NRM: variants seen among roughly 807,000 people sequenced by gnomAD.
NRM encodes nuclear rim protein.
Under a neutral mutation model 23.4 loss-of-function variants are expected in NRM, and 19 were observed. That is an observed-to-expected ratio of 0.81 (90% CI 0.57 to 1.19). The LOEUF is 1.19. Ranked by LOEUF, NRM falls within the 50% of genes most tolerant of loss-of-function variation. NRM has a pLI of 0.00. For missense variants in NRM, 232 were observed against 329.7 expected, an observed-to-expected ratio of 0.70 and a Z score of 2.30; for synonymous variants, 140 against 143.5, an observed-to-expected ratio of 0.98 and a Z score of 0.17.
chr6:30,691,132 C>G, upstream of NRM: 1 of 771,218 alleles, frequency 1.3e-6, no homozygotes, highest in South Asian at 1.8e-5. Context: ...CCTTCCCCAT[C>G]CAGCTGTGGA....
At position 30,690,729 on chromosome 6, in the gene NRM, C is replaced by G; in HGVS notation, c.133+113G>C. 6.2e-7 allele frequency: 1 copy of G among 1,611,176 alleles called. No individual in the cohort carries two copies. The highest frequency in any genetic ancestry group is 1.1e-5 in the South Asian group (1 of 90,398). On this transcript the variant is annotated intron_variant, in intron 1 of 3. Coordinates refer to ENST00000376421, the MANE Select transcript of NRM (RefSeq NM_001384369.1). The surrounding 1 kb of genome is among the most constrained non-coding windows in gnomAD (Gnocchi z 5.5). ...TAGCTTCTCGGCCGCTTTCAAGGTT[C>G]GAGTTCCCTCTCTTGGACTTCCCCT... is the stretch of plus-strand genomic sequence containing the variant.
In NRM at chr6:30,688,216, C is replaced by T. The variant is rs1057371705; in HGVS notation, c.*445G>A. 1.6e-5 allele frequency: 3 copies of T among 182,946 alleles called. No individual in the cohort carries two copies. The highest frequency in any genetic ancestry group is 4.7e-5 in the African/African-American group (2 of 42,210). The allele number at this position is 182,946 out of a possible 1,614,324, so 11.3% of individuals were successfully genotyped here. A position where few individuals can be genotyped will look rare whatever the true frequency, so the allele number is the denominator to read the frequency against. On this transcript the variant is annotated 3_prime_UTR_variant, in exon 4 of 4. Coordinates refer to ENST00000376421, the MANE Select transcript of NRM (RefSeq NM_001384369.1). The surrounding 1 kb of genome is among the most constrained non-coding windows in gnomAD (Gnocchi z 5.9). ...GAGACTAGGGCCGGGAGTGGTGAGG[C>T]AAGGTTGGGGCCTGGAGGGACAGCT...
At position 30,690,226 on chromosome 6, in the gene NRM, G is replaced by T; in HGVS notation, c.151C>A (p.Leu51Met). 6.4e-7 allele frequency: 1 copy of T among 1,572,256 alleles called. No homozygotes were observed. Among genetic ancestry groups the T allele is most frequent in the Non-Finnish European group, 8.6e-7 (1 of 1,166,826 alleles). The change falls in exon 2 of 4, where the codon CTG (leucine) becomes ATG (methionine). Residue 51 changes from leucine (L) to methionine (M), a missense_variant. Transcript: ENST00000376421. This position sits in a 1 kb window ranked among gnomAD's most constrained non-coding sequence, Gnocchi z 5.5. ...ATGCTGCGGTCCTGCAGGGCAGCCA[G>T]CCATCCCTGGCGGGCATCTACAGGA... ...SGGPDARQGWLAALQDRSILA... is the reference protein window; with the variant it reads ...SGGPDARQGWMAALQDRSILA...
chr6:30,690,153 C>G lies in NRM; in HGVS notation c.224G>C (p.Gly75Ala), dbSNP rs867860290. Residue 75 changes from glycine (G) to alanine (A), a missense_variant, in exon 2 of 4, where the codon GGG (glycine) becomes GCG (alanine). Physicochemically the swap from Gly to Ala is moderately conservative, Grantham distance 60. Coordinates refer to ENST00000376421, the MANE Select transcript of NRM (RefSeq NM_001384369.1). This position sits in a 1 kb window ranked among gnomAD's most constrained non-coding sequence, Gnocchi z 5.5. ...TTCAGCTGCCATGAGGCTGTGCTGC[C>G]CAACAAATAGAAGCAGGAGCCCCAG... ...WDLGLLLLFV[G>A]QHSLMAAERV... is the part of the protein sequence containing the mutation. 1 of 1,612,730 alleles carries G rather than the reference C, an allele frequency of 6.2e-7. No homozygotes were observed. Among genetic ancestry groups the G allele is most frequent in the Non-Finnish European group, 8.5e-7 (1 of 1,179,930 alleles).
At position 30,688,171 on chromosome 6, in the gene NRM, G is replaced by A; in HGVS notation, c.*490C>T. The A allele has an allele frequency of 6.1e-6, 1 of 163,862 alleles. No homozygotes were observed. The highest frequency in any genetic ancestry group is 1.3e-5 in the Non-Finnish European group (1 of 74,888). The allele number at this position is 163,862 out of a possible 1,614,324, so 10.2% of individuals were successfully genotyped here. A position where few individuals can be genotyped will look rare whatever the true frequency, so the allele number is the denominator to read the frequency against. ...ACTAGGTTGGGGTCTGAGCCCAGAG[G>A]CAGGGCCTAAGGAGGTGCAGAGACT... On this transcript the variant is annotated 3_prime_UTR_variant, in exon 4 of 4. Transcript: ENST00000376421. This position sits in a 1 kb window ranked among gnomAD's most constrained non-coding sequence, Gnocchi z 5.9.
Position 30,690,327 on chromosome 6 carries a change from C to T in NRM, c.134-84G>A. ...CCACCCTCATCTCCTCTTGGATCCC[C>T]AGGCCATGTCCCTTACTGCTTTCAA... is the stretch of plus-strand genomic sequence containing the variant. On this transcript the variant is annotated intron_variant, in intron 1 of 3. Coordinates refer to ENST00000376421, the MANE Select transcript of NRM (RefSeq NM_001384369.1). This position sits in a 1 kb window ranked among gnomAD's most constrained non-coding sequence, Gnocchi z 5.5. The T allele has an allele frequency of 7.9e-7, 1 of 1,265,120 alleles. No individual in the cohort carries two copies. The highest frequency in any genetic ancestry group is 1.5e-5 in the South Asian group (1 of 66,842). 78.4% of individuals were successfully genotyped at this position (1,265,120 alleles called of 1,614,324 possible). A position where few individuals can be genotyped will look rare whatever the true frequency, so the allele number is the denominator to read the frequency against.
At position 30,688,346 on chromosome 6, in the gene NRM, T is replaced by A; in HGVS notation, c.*315A>T. The A allele has an allele frequency of 2.6e-6, 1 of 383,784 alleles. No homozygotes were observed. Among genetic ancestry groups the A allele is most frequent in the Non-Finnish European group, 4.7e-6 (1 of 211,304 alleles). 23.8% of individuals were successfully genotyped at this position (383,784 alleles called of 1,614,324 possible). On this transcript the variant is annotated 3_prime_UTR_variant, in exon 4 of 4. Coordinates refer to ENST00000376421, the MANE Select transcript of NRM (RefSeq NM_001384369.1). This position sits in a 1 kb window ranked among gnomAD's most constrained non-coding sequence, Gnocchi z 5.9. ...GAGGCAAGTAACAGTGCCAGGGGAG[T>A]GGTCAGGGCAGATCCTTTCCTTCTC...
chr6:30,689,586 A>C lies in NRM; in HGVS notation c.331-134T>G. ...CCTCTCTCCTAAGCATCACCACCAAATATTCACCATGTGGAGGGTGCGTGC... is the reference window on the plus strand; with the variant it reads ...CCTCTCTCCTAAGCATCACCACCAACTATTCACCATGTGGAGGGTGCGTGC... On this transcript the variant is annotated intron_variant, in intron 2 of 3. Coordinates refer to ENST00000376421, the MANE Select transcript of NRM (RefSeq NM_001384369.1). The surrounding 1 kb of genome is among the most constrained non-coding windows in gnomAD (Gnocchi z 4.7). 6 of 877,510 alleles carry C rather than the reference A, an allele frequency of 6.8e-6. No individual in the cohort carries two copies. Among genetic ancestry groups the C allele is most frequent in the Non-Finnish European group, 1.0e-5 (6 of 584,346 alleles). 54.4% of individuals were successfully genotyped at this position (877,510 alleles called of 1,614,324 possible).
chr6:30,689,921 T>G lies in NRM; in HGVS notation c.330+126A>C. On this transcript the variant is annotated intron_variant, in intron 2 of 3. Transcript: ENST00000376421. The surrounding 1 kb of genome is among the most constrained non-coding windows in gnomAD (Gnocchi z 4.7). ...GCTGTGGAGGAATGGAAGCTGAGAT[T>G]AGTTCCTCAATTCTCCTCCTGAACC... 1 of 839,746 alleles carries G rather than the reference T, an allele frequency of 1.2e-6. No homozygotes were observed. Among genetic ancestry groups the G allele is most frequent in the Non-Finnish European group, 1.9e-6 (1 of 538,988 alleles). 52.0% of individuals were successfully genotyped at this position (839,746 alleles called of 1,614,324 possible).
Position 30,689,056 on chromosome 6 carries a change from T to G in NRM, c.508-114A>C. 2 of 1,235,034 alleles carry G rather than the reference T, an allele frequency of 1.6e-6. No homozygotes were observed. The highest frequency in any genetic ancestry group is 1.1e-6 in the Non-Finnish European group (1 of 906,952). 76.5% of individuals were successfully genotyped at this position (1,235,034 alleles called of 1,614,324 possible). ...TAGAACTCAGGCCCAGGAACCCCCC[T>G]TCTGAGACTTGGATCCCTGATCCTG... On this transcript the variant is annotated intron_variant, in intron 3 of 3. Transcript: ENST00000376421. This position sits in a 1 kb window ranked among gnomAD's most constrained non-coding sequence, Gnocchi z 4.7.
Position 30,689,422 on chromosome 6 carries a change from T to C in NRM, c.361A>G (p.Lys121Glu), listed in dbSNP as rs1771350453. 2 of 1,575,848 alleles carry C rather than the reference T, an allele frequency of 1.3e-6. No homozygotes were observed. The highest frequency in any genetic ancestry group is 8.6e-7 in the Non-Finnish European group (1 of 1,161,038). ...LVMRYWEPIP[K>E]GPVLWEARAE... is the part of the protein sequence containing the mutation. Reference sequence around the variant, plus strand: ...CGAGCCTCCCACAACACAGGGCCTTTGGGTATGGGCTCCCAGTACCGCATC... The same window carrying C: ...CGAGCCTCCCACAACACAGGGCCTTCGGGTATGGGCTCCCAGTACCGCATC... Residue 121 changes from lysine (K) to glutamate (E), a missense_variant, in exon 3 of 4, where the codon AAA becomes GAA. By Grantham distance (56) the Lys-to-Glu change is moderately conservative. Transcript: ENST00000376421. The surrounding 1 kb of genome is among the most constrained non-coding windows in gnomAD (Gnocchi z 4.7).
Position 30,689,056 on chromosome 6 carries a change from T to A in NRM, c.508-114A>T. 8.1e-7 allele frequency: 1 copy of A among 1,235,032 alleles called. No homozygotes were observed. Among genetic ancestry groups the A allele is most frequent in the Non-Finnish European group, 1.1e-6 (1 of 906,950 alleles). The allele number at this position is 1,235,032 out of a possible 1,614,324, so 76.5% of individuals were successfully genotyped here. ...TAGAACTCAGGCCCAGGAACCCCCC[T>A]TCTGAGACTTGGATCCCTGATCCTG... On this transcript the variant is annotated intron_variant, in intron 3 of 3. Transcript: ENST00000376421. This position sits in a 1 kb window ranked among gnomAD's most constrained non-coding sequence, Gnocchi z 4.7.
chr6:30,690,742 T>C lies in NRM; in HGVS notation c.133+100A>G, dbSNP rs772527971. ...GCTTTCAAGGTTCGAGTTCCCTCTC[T>C]TGGACTTCCCCTGTCATTTGTTTCC... On this transcript the variant is annotated intron_variant, in intron 1 of 3. Transcript: ENST00000376421. This position sits in a 1 kb window ranked among gnomAD's most constrained non-coding sequence, Gnocchi z 5.5. The C allele has an allele frequency of 6.2e-7, 1 of 1,611,378 alleles. No individual in the cohort carries two copies. The highest frequency in any genetic ancestry group is 2.2e-5 in the East Asian group (1 of 44,830).
Position 30,688,565 on chromosome 6 carries a change from T to G in NRM, c.*96A>C. On this transcript the variant is annotated 3_prime_UTR_variant, in exon 4 of 4. Transcript: ENST00000376421. This position sits in a 1 kb window ranked among gnomAD's most constrained non-coding sequence, Gnocchi z 5.9. ...AGGGGCATCTCCTTCAGTCCATGGATTTGGGCCTCTGGCATGAAGCAGCCA... is the reference window on the plus strand; with the variant it reads ...AGGGGCATCTCCTTCAGTCCATGGAGTTGGGCCTCTGGCATGAAGCAGCCA... 2.2e-6 allele frequency: 3 copies of G among 1,365,168 alleles called. No homozygotes were observed. Among genetic ancestry groups the G allele is most frequent in the Non-Finnish European group, 2.0e-6 (2 of 984,796 alleles). The allele number at this position is 1,365,168 out of a possible 1,614,324, so 84.6% of individuals were successfully genotyped here.
rs1771438509 is a variant in NRM, at chr6:30,690,075, TAC to T, written c.300_301del (p.Tyr101CysfsTer30). 5.6e-6 allele frequency: 9 copies of T among 1,612,282 alleles called. No homozygotes were observed. Among genetic ancestry groups the T allele is most frequent in the Non-Finnish European group, 7.6e-6 (9 of 1,179,814 alleles). On this transcript the variant is annotated frameshift_variant, in exon 2 of 4. Coordinates refer to ENST00000376421, the MANE Select transcript of NRM (RefSeq NM_001384369.1). LOFTEE classifies it high-confidence loss of function. This position sits in a 1 kb window ranked among gnomAD's most constrained non-coding sequence, Gnocchi z 5.5. ...CAAGGCCAGGGCAGTGCAGGCCACA[TAC>T]AGTGACCTCTGAAGGACCCCAAAGT...
Position 30,690,735 on chromosome 6 carries a change from C to T in NRM, c.133+107G>A. ...CTCGGCCGCTTTCAAGGTTCGAGTT[C>T]CCTCTCTTGGACTTCCCCTGTCATT... is the stretch of plus-strand genomic sequence containing the variant. On this transcript the variant is annotated intron_variant, in intron 1 of 3. Transcript: ENST00000376421. The surrounding 1 kb of genome is among the most constrained non-coding windows in gnomAD (Gnocchi z 5.5). 6.2e-7 allele frequency: 1 copy of T among 1,611,210 alleles called. No individual in the cohort carries two copies. The highest frequency in any genetic ancestry group is 8.5e-7 in the Non-Finnish European group (1 of 1,179,326).
chr6:30,688,945 A>G lies in NRM; in HGVS notation c.508-3T>C. ...AGCCCCAGCACATGGTAGTATACCT[A>G]AGAGAGGGAGAAGAGCTTAGAAATG... is the stretch of plus-strand genomic sequence containing the variant. On this transcript the variant is annotated splice_region_variant and splice_polypyrimidine_tract_variant and intron_variant, in intron 3 of 3. Transcript: ENST00000376421. This position sits in a 1 kb window ranked among gnomAD's most constrained non-coding sequence, Gnocchi z 5.9. 4 of 1,609,078 alleles carry G rather than the reference A, an allele frequency of 2.5e-6. No homozygotes were observed. Among genetic ancestry groups the G allele is most frequent in the Non-Finnish European group, 3.4e-6 (4 of 1,177,666 alleles).
In NRM at chr6:30,688,659, C is replaced by G; in HGVS notation, c.*2G>C. The G allele has an allele frequency of 6.2e-7, 1 of 1,612,984 alleles. No individual in the cohort carries two copies. The highest frequency in any genetic ancestry group is 8.5e-7 in the Non-Finnish European group (1 of 1,179,374). On this transcript the variant is annotated 3_prime_UTR_variant, in exon 4 of 4. Coordinates refer to ENST00000376421, the MANE Select transcript of NRM (RefSeq NM_001384369.1). The surrounding 1 kb of genome is among the most constrained non-coding windows in gnomAD (Gnocchi z 5.9). ...ACAGGGCTTGTAACCAGAGTGAGCT[C>G]CTCACTCTGCCTCCCCATCCTGGGG... is the stretch of plus-strand genomic sequence containing the variant.
In NRM at chr6:30,689,995, C is replaced by T; in HGVS notation, c.330+52G>A. 3 of 1,577,556 alleles carry T rather than the reference C, an allele frequency of 1.9e-6. No individual in the cohort carries two copies. Among genetic ancestry groups the T allele is most frequent in the Non-Finnish European group, 2.6e-6 (3 of 1,167,512 alleles). The stretch of plus-strand genomic sequence containing the variant: ...GGCACCCCTCCCACACTTGGTCTCC[C>T]TTGGGGACTCAACTGCCAGGATTTC... On this transcript the variant is annotated intron_variant, in intron 2 of 3. Coordinates refer to ENST00000376421, the MANE Select transcript of NRM (RefSeq NM_001384369.1). The surrounding 1 kb of genome is among the most constrained non-coding windows in gnomAD (Gnocchi z 4.7).
Sources: gnomAD v4.1 joint callset for allele counts on GRCh38, gnomAD v4.1.1 for gene constraint, Gnocchi (gnomAD v3.1) non-coding constraint, MANE v1.5 for transcripts, NCBI Gene and HGNC (gene_info 2026-07-23, HGNC 2026-07-21) for gene names.